CCDC12: variants seen among roughly 807,000 people sequenced by gnomAD.
CCDC12 encodes the protein coiled-coil domain containing 12.
CCDC12 carries 28 observed loss-of-function variants against 25.7 expected under a neutral mutation model. The ratio of observed to expected loss-of-function variants is 1.09; its 90% CI spans 0.81 to 1.50. The LOEUF is 1.50. Among genes scored for constraint, CCDC12 ranks in the 40% most tolerant of loss-of-function variants. The probability of loss-of-function intolerance (pLI) is 0.00; values close to 1 mark genes in which losing one functional copy is unlikely to be tolerated. For missense variants in CCDC12, 198 were observed against 210.0 expected (o/e 0.94, Z 0.35); for synonymous variants, 75 against 87.7 (o/e 0.86, Z 0.81).
At chr3:46,957,845 A>G (rs2034340543) in intron 1 of CCDC12, among the ~76,000 whole-genome samples, 1 of 152,130 alleles carries the variant, frequency 6.6e-6, no homozygotes, top group Non-Finnish European at 1.5e-5. Context: ...CGGGAGGCTG[A>G]GGCAGGAGAA....
rs560155884 is a variant in CCDC12 at position 46,924,825 on chromosome 3, T to C, written c.244+631A>G. 72 of 154,098 alleles carry C rather than the reference T, an allele frequency of 4.7e-4. 1 individual carries two copies. Among genetic ancestry groups the C allele is most frequent in the Non-Finnish European group, 9.1e-4 (63 of 69,052 alleles). The allele number at this position is 154,098 out of a possible 1,614,324, so 9.5% of individuals were successfully genotyped here. The stretch of plus-strand genomic sequence containing the variant: ...AGCGAGACTCCATCTCAAAATAAAA[T>C]AAAATAAAATAAAATAAATAACAAA... On this transcript the variant is annotated intron_variant, in intron 3 of 6. Transcript: ENST00000683445.
chr3:46,975,373 T>C (rs2034934703), intron 1 of CCDC12, among the ~76,000 whole-genome samples: 1 of 151,826 alleles, frequency 6.6e-6, no homozygotes, highest in African/African-American at 2.4e-5. Flanking sequence ...TCAGTAGAAA[T>C]GGGGTTTCAC....
chr3:46,976,617 C>A lies in CCDC12; in HGVS notation c.96+20G>T. 6.2e-7 allele frequency: 1 copy of A among 1,604,460 alleles called. No homozygotes were observed. Among genetic ancestry groups the A allele is most frequent in the Non-Finnish European group, 8.5e-7 (1 of 1,175,666 alleles). ...GAACGCTGGACGCCTCAACTGCGAC[C>A]CTCACTCCACACTTCTCACCTTGCG... On this transcript the variant is annotated intron_variant, in intron 1 of 6. Transcript: ENST00000683445.
chr3:46,930,509 C>T lies in CCDC12; in HGVS notation c.165-4974G>A, dbSNP rs2033162677. Among the ~76,000 whole-genome samples the T allele has an allele frequency of 1.3e-5, 2 of 152,200 alleles. 1 individual carries two copies. Among genetic ancestry groups the T allele is most frequent in the South Asian group, 4.1e-4 (2 of 4,836 alleles). On this transcript the variant is annotated intron_variant, in intron 2 of 6. Coordinates refer to ENST00000683445, the MANE Select transcript of CCDC12 (RefSeq NM_001277074.2). Reference sequence around the variant, plus strand: ...AGCCCAATGGCTTCTAAGACACTATCCTTTGCACCAAATGCCCTAGGCCAC... The same window carrying T: ...AGCCCAATGGCTTCTAAGACACTATTCTTTGCACCAAATGCCCTAGGCCAC...
intron 3 of CCDC12, 79 bp from the exon 4 acceptor site, chr3:46,923,747 C>T (rs1284887674): frequency 2.4e-6 from 3 of 1,233,236 alleles, no homozygotes; most frequent in Non-Finnish European, 3.2e-6. Flanking sequence ...CCGTGGCCCC[C>T]AGGGAGAGAC....
intron 1 of CCDC12, among the ~76,000 whole-genome samples, chr3:46,963,628 G>A (rs558580795): frequency 5.1e-4 from 78 of 152,340 alleles, no homozygotes; most frequent in South Asian, 3.3e-3. Flanking sequence ...ACTGGTTTTC[G>A]TATTTTTTTG....
chr3:46,945,888 T>C (rs2033883497), intron 1 of CCDC12, among the ~76,000 whole-genome samples: 1 of 152,218 alleles, frequency 6.6e-6, no homozygotes, highest in Non-Finnish European at 1.5e-5. Context: ...TCAGACCAGC[T>C]AGAGGTTTAT....
intron 1 of CCDC12, among the ~76,000 whole-genome samples, chr3:46,957,362 G>T (rs1279894939): frequency 6.6e-6 from 1 of 152,002 alleles, no homozygotes; most frequent in African/African-American, 2.4e-5. Flanking sequence ...ATGAAATGTT[G>T]GGCTTCTTTC....
chr3:46,978,878 G>A (rs2035107835), upstream of CCDC12, among the ~76,000 whole-genome samples: 1 of 152,146 alleles, frequency 6.6e-6, no homozygotes, highest in African/African-American at 2.4e-5. Context: ...AGCTACTCAG[G>A]AGGCTGAGGC....
chr3:46,945,376 T>A (rs1331175386), intron 1 of CCDC12, among the ~76,000 whole-genome samples: 1 of 152,006 alleles, frequency 6.6e-6, no homozygotes, highest in Non-Finnish European at 1.5e-5. Context: ...TTAATGGAGG[T>A]ACTCCCCCAT....
At chr3:46,958,531 G>T (rs976434259) in intron 1 of CCDC12, among the ~76,000 whole-genome samples, 1 of 152,152 alleles carries the variant, frequency 6.6e-6, no homozygotes, top group Non-Finnish European at 1.5e-5. Context: ...CAGTTCATCT[G>T]CATCTCGTTA....
At chr3:46,946,885 C>T (rs1372145923) in intron 1 of CCDC12, among the ~76,000 whole-genome samples, 1 of 152,156 alleles carries the variant, frequency 6.6e-6, no homozygotes, top group Non-Finnish European at 1.5e-5. Context: ...TAAGACTTCC[C>T]AAGGACTCAA....
upstream of CCDC12, chr3:46,976,755 T>C: frequency 6.3e-7 from 1 of 1,589,416 alleles, no homozygotes; most frequent in Non-Finnish European, 8.6e-7. Flanking sequence ...CGCCCCTCCT[T>C]TTCTCCCGTC....
intron 1 of CCDC12, among the ~76,000 whole-genome samples, chr3:46,975,500 C>G (rs548635365): frequency 1.1e-3 from 170 of 151,572 alleles, no homozygotes; most frequent in Non-Finnish European, 2.1e-3. Flanking sequence ...TTCTAAGGCC[C>G]ACCCTTAGTT....
chr3:46,940,902 G>A (rs1165131293), intron 2 of CCDC12, 96 bp downstream of exon 2: 2 of 1,173,064 alleles, frequency 1.7e-6, no homozygotes, highest in African/African-American at 3.0e-5. Context: ...GGAGGGAACA[G>A]GGCAGACACT....
intron 1 of CCDC12, among the ~76,000 whole-genome samples, chr3:46,971,026 C>A (rs916912092): frequency 6.6e-6 from 1 of 152,202 alleles, no homozygotes; most frequent in Non-Finnish European, 1.5e-5. Flanking sequence ...AGACTGTACC[C>A]CTGCCCCTGT....
At chr3:46,944,290 G>GA (rs1386180469) in intron 1 of CCDC12, among the ~76,000 whole-genome samples, 1 of 152,132 alleles carries the variant, frequency 6.6e-6, no homozygotes. Flanking sequence ...AAGGAGACGA[G>GA]AGAGAGGCTA....
At chr3:46,973,992 A>G (rs1431054524) in intron 1 of CCDC12, among the ~76,000 whole-genome samples, 1 of 152,238 alleles carries the variant, frequency 6.6e-6, no homozygotes, top group Non-Finnish European at 1.5e-5. Flanking sequence ...CATGGTATAC[A>G]CAACGGAATA....
intron 2 of CCDC12, among the ~76,000 whole-genome samples, chr3:46,932,676 G>A (rs1040508405): frequency 6.6e-6 from 1 of 152,212 alleles, no homozygotes; most frequent in African/African-American, 2.4e-5. Flanking sequence ...AGCCTCAGGG[G>A]GTGGACAGGC....
Sources: allele counts gnomAD v4.1 joint callset (sites outside exome capture counted in the v4.1 genomes callset), GRCh38; gene constraint gnomAD v4.1.1; transcripts MANE v1.5; gene names NCBI Gene and HGNC (gene_info 2026-07-23, HGNC 2026-07-21).